RBPJ: variants seen among roughly 807,000 people sequenced by gnomAD.
RBPJ encodes the protein recombining binding protein suppressor of hairless.
A neutral mutation model predicts 67.8 loss-of-function variants in RBPJ; 9 were observed. The observed-to-expected ratio is 0.13, with a 90% CI of 0.08 to 0.23. The LOEUF is 0.23. RBPJ is among the 10% of genes least tolerant of loss of function. The pLI, the probability that RBPJ is intolerant of heterozygous loss-of-function variation, is 1.00. For missense variants in RBPJ, 305 were observed against 595.6 expected (o/e 0.51, Z 5.08); for synonymous variants, 198 against 203.3 (o/e 0.97, Z 0.22).
At chr4:26,147,277 C>G in the RBPJ span, among the ~76,000 whole-genome samples, 2 of 152,232 alleles carry the variant, frequency 1.3e-5, no homozygotes. Context: ...AAACAGGACT[C>G]TGGGTCAAGG....
chr4:26,380,002 C>T (rs1217014651), intron 1 of RBPJ, among the ~76,000 whole-genome samples: 3 of 152,140 alleles, frequency 2.0e-5, no homozygotes, highest in African/African-American at 4.8e-5. Flanking sequence ...AGCCAAGTTT[C>T]GAGCAGCATT....
intron 1 of RBPJ, among the ~76,000 whole-genome samples, chr4:26,370,977 G>C (rs939745784): frequency 5.3e-5 from 8 of 152,104 alleles, no homozygotes; most frequent in African/African-American, 1.9e-4. Flanking sequence ...CTACTCTGGA[G>C]GCTGAGACAG....
intron 1 of RBPJ, among the ~76,000 whole-genome samples, chr4:26,199,917 G>A (rs1197033696): frequency 6.6e-6 from 1 of 152,214 alleles, no homozygotes; most frequent in Admixed American, 6.5e-5. Context: ...TTCAGTCGAG[G>A]TGATGCTATG....
chr4:26,419,002 A>G (rs1199265253), intron 4 of RBPJ, among the ~76,000 whole-genome samples: 10 of 152,160 alleles, frequency 6.6e-5, no homozygotes, highest in Admixed American at 5.9e-4. Flanking sequence ...ATTTTGAGAC[A>G]GGGTGCCACC....
chr4:26,304,802 T>TG (rs1722181736), intron 1 of RBPJ, among the ~76,000 whole-genome samples: 1 of 151,626 alleles, frequency 6.6e-6, no homozygotes, highest in African/African-American at 2.4e-5. Context: ...TTTTTTTTTT[T>TG]ACTTTCTTGA....
the RBPJ span, among the ~76,000 whole-genome samples, chr4:26,138,898 A>G: frequency 2.0e-5 from 3 of 152,246 alleles, no homozygotes; most frequent in African/African-American, 7.2e-5. Context: ...TAGGGGTTCC[A>G]TGAAGTGCTA....
chr4:26,230,189 T>TA (rs76427821), intron 1 of RBPJ, among the ~76,000 whole-genome samples: 8,967 of 138,354 alleles, frequency 0.065, 727 homozygotes, highest in African/African-American at 0.2. Flanking sequence ...GACCCTATCT[T>TA]AAAAAAAAAA....
chr4:26,388,507 TA>T (rs1731149421), intron 2 of RBPJ, among the ~76,000 whole-genome samples: 1 of 152,168 alleles, frequency 6.6e-6, no homozygotes, highest in Admixed American at 6.5e-5. Flanking sequence ...GCTTTATTTG[TA>T]AAATGGGTGG....
intron 4 of RBPJ, among the ~76,000 whole-genome samples, chr4:26,418,420 A>G (rs1734802074): frequency 6.6e-6 from 1 of 152,214 alleles, no homozygotes; most frequent in African/African-American, 2.4e-5. Flanking sequence ...AATAGTTCCC[A>G]TAAAATTATC....
At chr4:26,148,688 C>A in the RBPJ span, among the ~76,000 whole-genome samples, 1 of 152,230 alleles carries the variant, frequency 6.6e-6, no homozygotes, top group Non-Finnish European at 1.5e-5. Context: ...CTATTCCTGG[C>A]AGTTTGTCTG....
At chr4:26,406,842 A>T (rs1414029486) in intron 3 of RBPJ, among the ~76,000 whole-genome samples, 1 of 152,276 alleles carries the variant, frequency 6.6e-6, no homozygotes, top group Non-Finnish European at 1.5e-5. Flanking sequence ...CTGCCCAGAC[A>T]TGCCTGAATA....
intron 1 of RBPJ, among the ~76,000 whole-genome samples, chr4:26,313,494 C>T (rs868820992): frequency 6.6e-6 from 1 of 151,882 alleles, no homozygotes; most frequent in African/African-American, 2.4e-5. Flanking sequence ...AGTGAAACCC[C>T]GTCTCTACCA....
chr4:26,115,498 C>A, the RBPJ span, among the ~76,000 whole-genome samples: 1 of 152,118 alleles, frequency 6.6e-6, no homozygotes, highest in African/African-American at 2.4e-5. Context: ...CATTCTTCTG[C>A]CTCAGCCTCC....
chr4:26,342,717 G>GT (rs929698574), intron 1 of RBPJ, among the ~76,000 whole-genome samples: 8 of 152,144 alleles, frequency 5.3e-5, no homozygotes, highest in Admixed American at 5.2e-4. Context: ...TGGAAGAAGG[G>GT]TTTGTGCAAA....
intron 1 of RBPJ, among the ~76,000 whole-genome samples, chr4:26,255,913 A>T (rs1055048994): frequency 3.2e-5 from 2 of 63,018 alleles, no homozygotes; most frequent in African/African-American, 3.1e-4. Context: ...TTTGGGCCTC[A>T]AGTATTCCTT....
At chr4:26,275,514 G>A (rs1247768731) in intron 1 of RBPJ, among the ~76,000 whole-genome samples, 9 of 152,208 alleles carry the variant, frequency 5.9e-5, no homozygotes, top group African/African-American at 1.9e-4. Context: ...TATGTGACTC[G>A]GGTGTGGCTA....
chr4:26,116,593 G>A, the RBPJ span, among the ~76,000 whole-genome samples: 1 of 152,174 alleles, frequency 6.6e-6, no homozygotes, highest in African/African-American at 2.4e-5. Context: ...TTTTTCCTCT[G>A]CAGCCCTGGA....
Position 26,360,889 on chromosome 4 carries a change from C to T in RBPJ, c.21-25464C>T, listed in dbSNP as rs190169316. ...CCTCCCAAAGTGCTGGGATTATAGG[C>T]GTGAGCCACCGCTCCCGGCCTCATA... On this transcript the variant is annotated intron_variant, in intron 1 of 10. Coordinates refer to ENST00000355476, the MANE Select transcript of RBPJ (RefSeq NM_015874.6). Among the ~76,000 whole-genome samples the T allele has an allele frequency of 1.8e-3, 269 of 151,128 alleles. 1 individual carries two copies. Among genetic ancestry groups the T allele is most frequent in the Middle Eastern group, 0.01 (3 of 294 alleles).
At chr4:26,125,374 T>A in the RBPJ span, among the ~76,000 whole-genome samples, 1 of 152,238 alleles carries the variant, frequency 6.6e-6, no homozygotes, top group Non-Finnish European at 1.5e-5. Flanking sequence ...TCTACACTAC[T>A]GACTGAGGAA....
Sources: gnomAD v4.1 joint callset for allele counts (sites outside exome capture counted in the v4.1 genomes callset) on GRCh38, gnomAD v4.1.1 for gene constraint, MANE v1.5 for transcripts, NCBI Gene and HGNC (gene_info 2026-07-23, HGNC 2026-07-21) for gene names.